Variants in RASSF2 observed in about 807,000 individuals in gnomAD.
RASSF2 encodes ras association domain-containing protein 2.
Under a neutral mutation model 46.3 loss-of-function variants are expected in RASSF2, and 34 were observed. The ratio of observed to expected loss-of-function variants is 0.73; its 90% confidence interval spans 0.56 to 0.98. The LOEUF is 0.98. RASSF2 is among the 50% of genes least tolerant of loss of function. RASSF2 has a pLI of 0.00. For missense variants in RASSF2, 364 were observed against 431.2 expected (o/e 0.84, Z 1.38); for synonymous variants, 158 against 162.5 (o/e 0.97, Z 0.21).
chr20:4,821,761 C>A (rs1003420587), intron 2 of RASSF2, among the ~76,000 whole-genome samples: 1 of 152,206 alleles, frequency 6.6e-6, no homozygotes, highest in Non-Finnish European at 1.5e-5. Context: ...CCCGCTCTTT[C>A]CAAAACTACT....
rs906261720 is a variant in RASSF2 at position 4,789,819 on chromosome 20, C to A, written c.538-122G>T. 1.3e-5 allele frequency: 10 copies of A among 767,990 alleles called. No individual in the cohort carries two copies. The African/African-American group carries it at 1.4e-4, about 11-fold the overall frequency. 47.6% of individuals were successfully genotyped at this position (767,990 alleles called of 1,614,324 possible). On this transcript the variant is annotated intron_variant, in intron 7 of 11. Transcript: ENST00000379400. Reference sequence around the variant, plus strand: ...GAATGTACTCCCTGGGAGCCCCCGGCAGACTGGCAAGCAGCAGGCTTTGTA... The same window carrying A: ...GAATGTACTCCCTGGGAGCCCCCGGAAGACTGGCAAGCAGCAGGCTTTGTA...
intron 2 of RASSF2, among the ~76,000 whole-genome samples, chr20:4,801,263 A>C (rs1193076077): frequency 6.6e-6 from 1 of 152,210 alleles, no homozygotes; most frequent in Non-Finnish European, 1.5e-5. Flanking sequence ...GCCTCTGAGA[A>C]CAAACATCCA....
Position 4,790,162 on chromosome 20 carries a change from C to T in RASSF2, c.537+289G>A, listed in dbSNP as rs906369101. Among the ~76,000 whole-genome samples the T allele has an allele frequency of 1.3e-5, 2 of 152,156 alleles. No homozygotes were observed. Among genetic ancestry groups the T allele is most frequent in the African/African-American group, 4.8e-5 (2 of 41,430 alleles). On this transcript the variant is annotated intron_variant, in intron 7 of 11. Transcript: ENST00000379400. The surrounding 1 kb of genome is among the most constrained non-coding windows in gnomAD (Gnocchi z 4.3). ...TTTCTTGGGAGAGACTGATGAGCTG[C>T]GTTTATGGGGTCTTCAAGGCTACAG...
chr20:4,796,804 A>T (rs947192765), intron 4 of RASSF2, among the ~76,000 whole-genome samples: 2 of 152,264 alleles, frequency 1.3e-5, no homozygotes, highest in African/African-American at 4.8e-5. Context: ...TTTAAGAACT[A>T]AAATCTTGCA....
In RASSF2 at chr20:4,784,065, T is replaced by C; in HGVS notation, c.*208A>G. On this transcript the variant is annotated 3_prime_UTR_variant, in exon 12 of 12. Transcript: ENST00000379400. The stretch of plus-strand genomic sequence containing the variant: ...CCTTATAACTAAAATCAAAAGTCCT[T>C]GTGAGCAGAAAAAAGGAGGGCAGGG... 1.7e-6 allele frequency: 1 copy of C among 595,826 alleles called. No individual in the cohort carries two copies. The highest frequency in any genetic ancestry group is 3.0e-6 in the Non-Finnish European group (1 of 332,342). The allele number at this position is 595,826 out of a possible 1,614,324, so 36.9% of individuals were successfully genotyped here.
chr20:4,792,644 C>G lies in RASSF2; in HGVS notation c.288-17G>C, dbSNP rs1161689899. On this transcript the variant is annotated splice_polypyrimidine_tract_variant and intron_variant, in intron 5 of 11. Coordinates refer to ENST00000379400, the MANE Select transcript of RASSF2 (RefSeq NM_014737.3). ...AGAGTGGTTCTGGGAGTGGAGAAGA[C>G]AAAGGGGAGGGGGGAGACTAGTTTA... 1 of 1,611,360 alleles carries G rather than the reference C, an allele frequency of 6.2e-7. No individual in the cohort carries two copies. Among genetic ancestry groups the G allele is most frequent in the Admixed American group, 1.7e-5 (1 of 59,704 alleles).
Position 4,809,485 on chromosome 20 carries a change from G to A in RASSF2, c.-32-8423C>T, listed in dbSNP as rs533866864. 7.2e-5 allele frequency among the ~76,000 whole-genome samples: 11 copies of A among 152,200 alleles called. No individual in the cohort carries two copies. In the South Asian group the frequency reaches 2.1e-3, roughly 29 times the overall value. On this transcript the variant is annotated intron_variant, in intron 2 of 11. Transcript: ENST00000379400. Reference sequence around the variant, plus strand: ...TTCGGCCTGCCCTTCAGCACAGCACGTACCCCACACAGAAGTCCCCTGCTG... The same window carrying A: ...TTCGGCCTGCCCTTCAGCACAGCACATACCCCACACAGAAGTCCCCTGCTG...
chr20:4,822,917 G>T (rs530168357), intron 1 of RASSF2, among the ~76,000 whole-genome samples: 13 of 152,160 alleles, frequency 8.5e-5, no homozygotes, highest in Admixed American at 2.0e-4. Context: ...GCCCCACCTC[G>T]CCAGGAAGTC....
chr20:4,821,694 T>C (rs1314476771), intron 2 of RASSF2, among the ~76,000 whole-genome samples: 2 of 152,106 alleles, frequency 1.3e-5, no homozygotes, highest in Non-Finnish European at 2.9e-5. Context: ...CAGTCCACAC[T>C]CCACGTGCCC....
intron 3 of RASSF2, among the ~76,000 whole-genome samples, chr20:4,798,501 G>C (rs1456829901): frequency 6.6e-6 from 1 of 152,146 alleles, no homozygotes; most frequent in Non-Finnish European, 1.5e-5. Context: ...CTGTGAGTGA[G>C]GAAAGGACAA....
At chr20:4,821,657 C>G (rs941541242) in intron 2 of RASSF2, among the ~76,000 whole-genome samples, 5 of 152,184 alleles carry the variant, frequency 3.3e-5, no homozygotes, top group African/African-American at 1.2e-4. Flanking sequence ...CTTCCAGCCT[C>G]CCCAGCACAG....
chr20:4,805,542 T>C (rs1927274680), intron 2 of RASSF2, among the ~76,000 whole-genome samples: 1 of 152,080 alleles, frequency 6.6e-6, no homozygotes, highest in South Asian at 2.1e-4. Flanking sequence ...TTTCTGTTGT[T>C]TTAAACCACC....
At chr20:4,818,041 T>C (rs149658353) in intron 2 of RASSF2, among the ~76,000 whole-genome samples, 2,833 of 151,988 alleles carry the variant, frequency 0.019, 69 homozygotes, top group African/African-American at 0.059. Context: ...CTGAGACAGG[T>C]GGATCACTTG....
At chr20:4,815,753 A>G (rs958324064) in intron 2 of RASSF2, among the ~76,000 whole-genome samples, 2 of 152,210 alleles carry the variant, frequency 1.3e-5, no homozygotes, top group South Asian at 4.1e-4. Flanking sequence ...CTGGGCCCCA[A>G]GGGCCAGCTG....
At chr20:4,820,143 C>T (rs1338295088) in intron 2 of RASSF2, among the ~76,000 whole-genome samples, 1 of 152,220 alleles carries the variant, frequency 6.6e-6, no homozygotes, top group Non-Finnish European at 1.5e-5. Context: ...CAGTAACCAA[C>T]AAGCAGGCCA....
intron 3 of RASSF2, among the ~76,000 whole-genome samples, chr20:4,798,319 A>C (rs978728899): frequency 6.6e-6 from 1 of 152,102 alleles, no homozygotes; most frequent in African/African-American, 2.4e-5. Flanking sequence ...ACAATGCTTA[A>C]AGTAAGGAGC....
chr20:4,796,524 G>A lies in RASSF2; in HGVS notation c.136-558C>T, dbSNP rs559051998. Among the ~76,000 whole-genome samples, 3 of 152,316 alleles carry A rather than the reference G, an allele frequency of 2.0e-5. No individual in the cohort carries two copies. In the South Asian group the frequency reaches 6.2e-4, roughly 32 times the overall value. ...GTGATCATGAGCTGGGAGAGGCTGTGCTAATCAGATTTCCAAACAGCAGAA... is the reference window on the plus strand; with the variant it reads ...GTGATCATGAGCTGGGAGAGGCTGTACTAATCAGATTTCCAAACAGCAGAA... On this transcript the variant is annotated intron_variant, in intron 4 of 11. Coordinates refer to ENST00000379400, the MANE Select transcript of RASSF2 (RefSeq NM_014737.3).
chr20:4,803,420 G>C (rs2122576829), intron 2 of RASSF2, among the ~76,000 whole-genome samples: 1 of 152,292 alleles, frequency 6.6e-6, no homozygotes. Flanking sequence ...AGCTCAGTGA[G>C]ATTCGTGTCA....
intron 2 of RASSF2, among the ~76,000 whole-genome samples, chr20:4,807,107 A>G (rs1007181068): frequency 3.3e-5 from 5 of 152,234 alleles, no homozygotes; most frequent in Non-Finnish European, 7.3e-5. Flanking sequence ...ATCTGGGAAC[A>G]TGGAATGTAA....
Sources: gnomAD v4.1 joint callset for allele counts (sites outside exome capture counted in the v4.1 genomes callset) on GRCh38, gnomAD v4.1.1 for gene constraint, Gnocchi (gnomAD v3.1) non-coding constraint, MANE v1.5 for transcripts, NCBI Gene and HGNC (gene_info 2026-07-23, HGNC 2026-07-21) for gene names.